TRPM7: variants seen among roughly 807,000 people sequenced by gnomAD.
TRPM7 encodes transient receptor potential cation channel subfamily M member 7.
Under a neutral mutation model 229.7 loss-of-function variants are expected in TRPM7, and 134 were observed. The observed-to-expected ratio is 0.58, with a 90% CI of 0.51 to 0.67. The LOEUF (loss-of-function observed/expected upper bound fraction) is 0.67, where lower values mean the gene tolerates loss of function less well. TRPM7 is among the 30% of genes least tolerant of loss of function. TRPM7 has a pLI of 0.00. For missense variants in TRPM7, 1,901 were observed against 2,210.0 expected (o/e 0.86, Z 2.80); for synonymous variants, 699 against 715.2 (o/e 0.98, Z 0.36).
chr15:50,662,608 T>C (rs1176791984), intron 2 of TRPM7, among the ~76,000 whole-genome samples: 2 of 152,186 alleles, frequency 1.3e-5, no homozygotes, highest in Non-Finnish European at 2.9e-5. Context: ...ACCCAGTAGA[T>C]GCCCAATAGA....
At chr15:50,581,021 C>G in intron 29 of TRPM7, 113 bp from the exon 30 acceptor site, 1 of 906,306 alleles carries the variant, frequency 1.1e-6, no homozygotes, top group Non-Finnish European at 1.6e-6. Flanking sequence ...GGCCAAAAAA[C>G]TAACATACAG....
intron 1 of TRPM7, among the ~76,000 whole-genome samples, chr15:50,685,501 C>T (rs2062337484): frequency 6.6e-6 from 1 of 152,200 alleles, no homozygotes; most frequent in African/African-American, 2.4e-5. Context: ...TAGTGAAAGA[C>T]ACATTATTTA....
intron 38 of TRPM7, among the ~76,000 whole-genome samples, chr15:50,566,176 A>G (rs938805772): frequency 6.6e-6 from 1 of 152,170 alleles, no homozygotes; most frequent in African/African-American, 2.4e-5. Context: ...AGTACAAAGT[A>G]TGTTTCTTTT....
chr15:50,590,828 A>AG (rs1157252757), intron 26 of TRPM7, among the ~76,000 whole-genome samples: 4 of 125,000 alleles, frequency 3.2e-5, no homozygotes, highest in African/African-American at 1.0e-4. Flanking sequence ...CGTCTTTTAA[A>AG]AAAAAAAAAA....
At chr15:50,654,324 G>A (rs1007643186) in intron 3 of TRPM7, among the ~76,000 whole-genome samples, 1 of 151,244 alleles carries the variant, frequency 6.6e-6, no homozygotes, top group Non-Finnish European at 1.5e-5. Flanking sequence ...GTGTGCGCCT[G>A]TAATCCCAGC....
intron 21 of TRPM7, among the ~76,000 whole-genome samples, chr15:50,603,483 G>A (rs1267337951): frequency 7.2e-6 from 1 of 139,020 alleles, no homozygotes; most frequent in South Asian, 2.6e-4. Flanking sequence ...AGGCCCCAGC[G>A]TGTGATGTTC....
chr15:50,677,414 A>C (rs758736522), intron 1 of TRPM7, among the ~76,000 whole-genome samples: 3 of 151,554 alleles, frequency 2.0e-5, no homozygotes, highest in Non-Finnish European at 4.4e-5. Flanking sequence ...AACAACAACA[A>C]CAACACACAC....
chr15:50,685,746 T>TA (rs1392818100), intron 1 of TRPM7, among the ~76,000 whole-genome samples: 1 of 152,084 alleles, frequency 6.6e-6, no homozygotes, highest in East Asian at 1.9e-4. Context: ...TATCCAAAAA[T>TA]AAAAAGCTCT....
chr15:50,610,279 ATT>A (rs963388935), intron 17 of TRPM7, among the ~76,000 whole-genome samples: 5 of 152,090 alleles, frequency 3.3e-5, no homozygotes, highest in African/African-American at 1.2e-4. Flanking sequence ...CAAAAAATAC[ATT>A]TTGTTTAAAC....
At chr15:50,635,318 TAAAAAAAAAA>T (rs71124393) in intron 7 of TRPM7, among the ~76,000 whole-genome samples, 28 of 42,916 alleles carry the variant, frequency 6.5e-4, no homozygotes, top group African/African-American at 2.2e-3. Context: ...CTCCCTCACA[TAAAAAAAAAA>T]AAAAAAAAAA....
At chr15:50,684,730 T>G (rs1191630753) in intron 1 of TRPM7, among the ~76,000 whole-genome samples, 1 of 152,108 alleles carries the variant, frequency 6.6e-6, no homozygotes, top group Non-Finnish European at 1.5e-5. Context: ...TCCAAACTGA[T>G]GGAAATTCTA....
At chr15:50,638,549 CAA>C (rs71124397) in intron 6 of TRPM7, among the ~76,000 whole-genome samples, 1 of 143,494 alleles carries the variant, frequency 7.0e-6, no homozygotes. Context: ...AACTCCATTT[CAA>C]AAAAAAAAGA....
intron 10 of TRPM7, among the ~76,000 whole-genome samples, chr15:50,629,859 CTTTTTTTTTTT>C (rs33991422): frequency 2.8e-5 from 3 of 106,518 alleles, no homozygotes; most frequent in South Asian, 6.5e-4. Context: ...TCTTTTTAAC[CTTTTTTTTTTT>C]TTTTTTTTTT....
At chr15:50,675,552 A>G (rs1378624006) in intron 1 of TRPM7, among the ~76,000 whole-genome samples, 1 of 152,176 alleles carries the variant, frequency 6.6e-6, no homozygotes, top group African/African-American at 2.4e-5. Context: ...CCCAGCTGAA[A>G]GTTGTAAATA....
chr15:50,584,419 T>C (rs1396499085), intron 28 of TRPM7, among the ~76,000 whole-genome samples: 1 of 152,134 alleles, frequency 6.6e-6, no homozygotes, highest in Admixed American at 6.5e-5. Context: ...TGGAAAAGGG[T>C]GAACAGGTGT....
intron 10 of TRPM7, among the ~76,000 whole-genome samples, chr15:50,630,507 T>C (rs2060699899): frequency 6.6e-6 from 1 of 150,878 alleles, no homozygotes; most frequent in Non-Finnish European, 1.5e-5. Flanking sequence ...GGGGAGACAA[T>C]AAGAGGATCA....
At chr15:50,625,062 A>G (rs1260289489) in intron 11 of TRPM7, among the ~76,000 whole-genome samples, 1 of 152,238 alleles carries the variant, frequency 6.6e-6, no homozygotes, top group Non-Finnish European at 1.5e-5. Context: ...TATTTTATAA[A>G]CTTCAACAGA....
chr15:50,562,086 G>C (rs2053342666), intron 38 of TRPM7, among the ~76,000 whole-genome samples: 1 of 151,680 alleles, frequency 6.6e-6, no homozygotes, highest in Admixed American at 6.6e-5. Flanking sequence ...AGTAGAGACA[G>C]GGTTTCACCA....
At chr15:50,649,029 G>C in intron 3 of TRPM7, 144 bp from the exon 4 acceptor site, 1 of 526,518 alleles carries the variant, frequency 1.9e-6, no homozygotes, top group East Asian at 3.3e-5. Context: ...TTTGATTTTA[G>C]GATATCTATA....
Sources: allele counts gnomAD v4.1 joint callset (sites outside exome capture counted in the v4.1 genomes callset), GRCh38; gene constraint gnomAD v4.1.1; transcripts MANE v1.5; gene names NCBI Gene and HGNC (gene_info 2026-07-23, HGNC 2026-07-21).